Variants in SHANK2 observed in about 807,000 individuals in gnomAD.
SHANK2 encodes SH3 and multiple ankyrin repeat domains 2.
In SHANK2, 43 loss-of-function variants were observed where a neutral mutation model predicts 133.7. The observed-to-expected ratio is 0.32, with a 90% CI of 0.25 to 0.41. SHANK2 has a LOEUF of 0.41. SHANK2 is among the 10% of genes least tolerant of loss of function. SHANK2 has a pLI of 1.00. For missense variants in SHANK2, 1,994 were observed against 2,235.8 expected (o/e 0.89, Z 2.18); for synonymous variants, 1,017 against 952.8 (o/e 1.07, Z -1.24).
At chr11:71,085,926 A>T (rs1427241815) in intron 8 of SHANK2, among the ~76,000 whole-genome samples, 35,240 of 35,272 alleles carry the variant, frequency 1, 17,606 homozygotes, top group Middle Eastern at 1. Flanking sequence ...TAACATAATA[A>T]ATTGTTATAT....
rs369007221 is a variant in SHANK2 at position 70,607,365 on chromosome 11, C to T, written c.2061+52463G>A. Reference sequence around the variant, plus strand: ...AACCTGGCCACTTTCCGGCTCCTCTCTCCCTATGTGCCTGCCCCACACCCA... The same window carrying T: ...AACCTGGCCACTTTCCGGCTCCTCTTTCCCTATGTGCCTGCCCCACACCCA... On this transcript the variant is annotated intron_variant, in intron 17 of 25. Transcript: ENST00000601538. Among the ~76,000 whole-genome samples, 6 of 152,154 alleles carry T rather than the reference C, an allele frequency of 3.9e-5. No homozygotes were observed. The East Asian group carries it at 7.7e-4, about 20-fold the overall frequency.
chr11:71,114,795 G>C (rs1951949211), intron 4 of SHANK2, among the ~76,000 whole-genome samples: 1 of 152,202 alleles, frequency 6.6e-6, no homozygotes, highest in East Asian at 1.9e-4. Context: ...ATGATGCCAG[G>C]TGCCTTCTCA....
At chr11:71,166,422 C>G (rs1314706169) in intron 2 of SHANK2, among the ~76,000 whole-genome samples, 1 of 152,084 alleles carries the variant, frequency 6.6e-6, no homozygotes, top group Non-Finnish European at 1.5e-5. Flanking sequence ...TGCAGCACAC[C>G]CCGGTATTAC....
At chr11:70,593,026 C>T (rs1000700199) in intron 17 of SHANK2, among the ~76,000 whole-genome samples, 2 of 152,204 alleles carry the variant, frequency 1.3e-5, no homozygotes, top group Non-Finnish European at 2.9e-5. Flanking sequence ...TGGGTCCCAG[C>T]CCTGGCCTCG....
chr11:71,113,528 A>C (rs1260603985), intron 4 of SHANK2, among the ~76,000 whole-genome samples, 164 bp from the exon 5 acceptor site: 2 of 152,236 alleles, frequency 1.3e-5, no homozygotes, highest in African/African-American at 4.8e-5. Context: ...CAGAGCCTAC[A>C]ACATCCTCAG....
At chr11:70,848,517 G>A (rs890677023) in intron 11 of SHANK2, among the ~76,000 whole-genome samples, 6 of 152,196 alleles carry the variant, frequency 3.9e-5, no homozygotes, top group Non-Finnish European at 8.8e-5. Context: ...TTTATTGCAG[G>A]CCTTACCAGG....
At chr11:70,564,422 C>A (rs1168666399) in intron 17 of SHANK2, among the ~76,000 whole-genome samples, 1 of 151,906 alleles carries the variant, frequency 6.6e-6, no homozygotes, top group Non-Finnish European at 1.5e-5. Flanking sequence ...CCATGCCCAG[C>A]CAACTTTTCA....
intron 10 of SHANK2, among the ~76,000 whole-genome samples, chr11:70,952,362 T>C (rs1478189027): frequency 6.6e-6 from 1 of 152,224 alleles, no homozygotes; most frequent in Non-Finnish European, 1.5e-5. Flanking sequence ...GAAATGGTGT[T>C]GGACACAACA....
chr11:70,790,594 C>T (rs1429400457), intron 14 of SHANK2, among the ~76,000 whole-genome samples: 7 of 152,344 alleles, frequency 4.6e-5, no homozygotes, highest in East Asian at 1.9e-4. Context: ...CCTGTCTGGG[C>T]GTTCCAGGCT....
At chr11:70,787,956 A>T (rs1388812476) in intron 14 of SHANK2, among the ~76,000 whole-genome samples, 1 of 152,170 alleles carries the variant, frequency 6.6e-6, no homozygotes, top group African/African-American at 2.4e-5. Context: ...TGAGGATCAC[A>T]TGAGTTACCT....
intron 17 of SHANK2, among the ~76,000 whole-genome samples, chr11:70,617,908 C>A (rs372158320): frequency 3.3e-5 from 5 of 152,034 alleles, no homozygotes; most frequent in Non-Finnish European, 7.3e-5. Flanking sequence ...TTAATGGGTG[C>A]AGCACACCAA....
At chr11:71,139,286 G>A (rs1555105355) in intron 3 of SHANK2, among the ~76,000 whole-genome samples, 1 of 149,474 alleles carries the variant, frequency 6.7e-6, no homozygotes, top group Non-Finnish European at 1.5e-5. Flanking sequence ...CCCGACAAAG[G>A]CCGCCACAGC....
rs140213979 is a variant in SHANK2, at chr11:70,936,237, C to T, written c.1108-39670G>A. ...CTTTAAAGCAACAGGCGAGGCCAGGCGCGGTGGCTCACGCCTGTAATCCCA... is the reference window on the plus strand; with the variant it reads ...CTTTAAAGCAACAGGCGAGGCCAGGTGCGGTGGCTCACGCCTGTAATCCCA... On this transcript the variant is annotated intron_variant, in intron 10 of 25. Transcript: ENST00000601538. 3.3e-5 allele frequency among the ~76,000 whole-genome samples: 5 copies of T among 152,318 alleles called. No individual in the cohort carries two copies. In the East Asian group the frequency reaches 9.7e-4, roughly 29 times the overall value.
chr11:70,567,171 G>A (rs1248334039), intron 17 of SHANK2, among the ~76,000 whole-genome samples: 1 of 152,222 alleles, frequency 6.6e-6, no homozygotes, highest in East Asian at 1.9e-4. Flanking sequence ...TTATGAAGCT[G>A]TGATTGGCTA....
At chr11:71,082,665 C>A (rs930649766) in intron 8 of SHANK2, among the ~76,000 whole-genome samples, 1 of 152,202 alleles carries the variant, frequency 6.6e-6, no homozygotes, top group African/African-American at 2.4e-5. Context: ...CCTGTCCCCT[C>A]GCCGTGGGGC....
Position 71,094,838 on chromosome 11 carries a change from G to A in SHANK2, c.593-150C>T, listed in dbSNP as rs1951579077. The A allele has an allele frequency of 4.5e-6, 4 of 888,498 alleles. No homozygotes were observed. In the East Asian group the frequency reaches 1.1e-4, roughly 24 times the overall value. 55.0% of individuals were successfully genotyped at this position (888,498 alleles called of 1,614,324 possible). A position where few individuals can be genotyped will look rare whatever the true frequency, so the allele number is the denominator to read the frequency against. On this transcript the variant is annotated intron_variant, in intron 6 of 25. Coordinates refer to ENST00000601538, the MANE Select transcript of SHANK2 (RefSeq NM_012309.5). ...AGCTCCCACCACCTGGGAACCCCAA[G>A]AGTCCAGGCGGGCAGCGTGGCTCAG...
At chr11:70,919,097 G>A (rs192035360) in intron 10 of SHANK2, among the ~76,000 whole-genome samples, 64 of 152,208 alleles carry the variant, frequency 4.2e-4, no homozygotes, top group South Asian at 1.5e-3. Flanking sequence ...CCAGGAGATC[G>A]AGGCTGCAGT....
chr11:70,622,031 G>A (rs2060835949), intron 17 of SHANK2, among the ~76,000 whole-genome samples: 1 of 152,162 alleles, frequency 6.6e-6, no homozygotes, highest in Non-Finnish European at 1.5e-5. Context: ...GCCATGTGGA[G>A]GGGCCTGGCC....
intron 10 of SHANK2, among the ~76,000 whole-genome samples, chr11:70,935,831 C>A (rs1210578198): frequency 6.6e-6 from 1 of 152,148 alleles, no homozygotes; most frequent in East Asian, 1.9e-4. Flanking sequence ...GACTCTTTGC[C>A]CTGAGTTCCT....
Sources: gnomAD v4.1 joint callset for allele counts (sites outside exome capture counted in the v4.1 genomes callset) on GRCh38, gnomAD v4.1.1 for gene constraint, MANE v1.5 for transcripts, NCBI Gene and HGNC (gene_info 2026-07-23, HGNC 2026-07-21) for gene names.